HCRTR2: variants seen among roughly 807,000 people sequenced by gnomAD.
HCRTR2 encodes hypocretin receptor 2, also known as orexin receptor type 2.
Under a neutral mutation model 49.0 loss-of-function variants are expected in HCRTR2, and 22 were observed. The ratio of observed to expected loss-of-function variants is 0.45; its 90% CI spans 0.32 to 0.64. HCRTR2 has a LOEUF of 0.64. Ranked by LOEUF, HCRTR2 falls within the 30% of genes least tolerant of loss-of-function variation. The probability of loss-of-function intolerance (pLI) is 0.04; values close to 1 mark genes in which losing one functional copy is unlikely to be tolerated. For synonymous variants in HCRTR2, 236 were observed against 205.3 expected (o/e 1.15, Z -1.28); for missense variants, 491 against 559.4 (o/e 0.88, Z 1.23).
At chr6:55,249,304 A>G (rs1766505201) in intron 2 of HCRTR2, among the ~76,000 whole-genome samples, 1 of 152,074 alleles carries the variant, frequency 6.6e-6, no homozygotes. Flanking sequence ...AAGTGATTTT[A>G]TTTTATACTG....
chr6:55,195,484 C>T (rs561080771), intron 1 of HCRTR2, among the ~76,000 whole-genome samples: 47 of 152,250 alleles, frequency 3.1e-4, no homozygotes, highest in Non-Finnish European at 4.4e-4. Flanking sequence ...AACAATGTCT[C>T]AAATGTCAGG....
At chr6:55,202,619 G>A (rs1765530413) in intron 1 of HCRTR2, among the ~76,000 whole-genome samples, 1 of 152,148 alleles carries the variant, frequency 6.6e-6, no homozygotes, top group South Asian at 2.1e-4. Flanking sequence ...GTCCTCACAT[G>A]ATAGAAGGGG....
intron 1 of HCRTR2, among the ~76,000 whole-genome samples, chr6:55,117,480 C>T (rs568792168): frequency 5.1e-4 from 78 of 151,694 alleles, no homozygotes; most frequent in African/African-American, 1.8e-3. Flanking sequence ...TGATATTTTG[C>T]ATTGTGCATA....
At chr6:55,185,312 CT>C (rs981099688) in intron 1 of HCRTR2, among the ~76,000 whole-genome samples, 1 of 152,126 alleles carries the variant, frequency 6.6e-6, no homozygotes, top group African/African-American at 2.4e-5. Flanking sequence ...AGATCTGGTT[CT>C]TTGAAATCAT....
chr6:55,110,858 T>C (rs1764039402), intron 1 of HCRTR2, among the ~76,000 whole-genome samples: 1 of 138,238 alleles, frequency 7.2e-6, no homozygotes, highest in South Asian at 2.4e-4. Context: ...ACTTAAAGTA[T>C]ACCCTAGACA....
intron 1 of HCRTR2, among the ~76,000 whole-genome samples, chr6:55,131,917 C>T (rs1391376100): frequency 1.3e-5 from 2 of 151,792 alleles, no homozygotes; most frequent in South Asian, 2.1e-4. Flanking sequence ...AACTATGAAA[C>T]CATGTGGCAA....
rs1764307930 is a variant in HCRTR2, at chr6:55,128,212, G to T, written c.-378+21667G>T. On this transcript the variant is annotated intron_variant, in intron 1 of 7. Coordinates refer to the HCRTR2 transcript ENST00000615358. ...CCCATTGCTTGCTTTTGTCCGGTTTGTCAAAGATCAGTTAGTTGTAGGTGT... is the reference window on the plus strand; with the variant it reads ...CCCATTGCTTGCTTTTGTCCGGTTTTTCAAAGATCAGTTAGTTGTAGGTGT... Among the ~76,000 whole-genome samples, 4 of 152,110 alleles carry T rather than the reference G, an allele frequency of 2.6e-5. No homozygotes were observed. In the South Asian group the frequency reaches 8.3e-4, roughly 32 times the overall value.
chr6:55,255,217 T>C lies in HCRTR2; in HGVS notation c.484T>C (p.Phe162Leu), dbSNP rs1766628388. The change falls in exon 3 of 7, where the codon TTT (phenylalanine) becomes CTT (leucine). Residue 162 changes from phenylalanine (F) to leucine (L), a missense_variant. Coordinates refer to ENST00000370862, the MANE Select transcript of HCRTR2 (RefSeq NM_001384272.1). The stretch of plus-strand genomic sequence containing the variant: ...GTATGCAATCTGTCACCCTTTGATG[T>C]TTAAGAGCACAGCAAAGCGGGCCCG... Reference protein sequence around the residue: ...RWYAICHPLMFKSTAKRARNS... With the variant: ...RWYAICHPLMLKSTAKRARNS... 3 of 1,613,942 alleles carry C rather than the reference T, an allele frequency of 1.9e-6. No individual in the cohort carries two copies. The highest frequency in any genetic ancestry group is 1.3e-5 in the African/African-American group (1 of 74,900).
chr6:55,165,747 ATATATATATATATATATATAT>A (rs1764868102), intron 1 of HCRTR2, among the ~76,000 whole-genome samples: 1 of 7,304 alleles, frequency 1.4e-4, no homozygotes, highest in African/African-American at 4.5e-4. Flanking sequence ...TATACAGAAT[ATATATATATATATATATATAT>A]ATATATATAT....
chr6:55,230,448 A>G (rs1386402393), intron 1 of HCRTR2, among the ~76,000 whole-genome samples: 1 of 152,190 alleles, frequency 6.6e-6, no homozygotes, highest in East Asian at 1.9e-4. Context: ...TTTGCTTAAC[A>G]CTTTAAAATG....
chr6:55,196,269 G>A (rs1765407873), intron 1 of HCRTR2, among the ~76,000 whole-genome samples: 1 of 152,130 alleles, frequency 6.6e-6, no homozygotes, highest in African/African-American at 2.4e-5. Context: ...CCAGCAGATG[G>A]GACCAGAGGC....
At chr6:55,195,673 AT>A (rs1484879998) in intron 1 of HCRTR2, among the ~76,000 whole-genome samples, 3 of 152,092 alleles carry the variant, frequency 2.0e-5, no homozygotes, top group Non-Finnish European at 4.4e-5. Flanking sequence ...GTATGCTTAT[AT>A]AAAAACAGTA....
intron 1 of HCRTR2, among the ~76,000 whole-genome samples, chr6:55,163,060 C>A (rs912098852): frequency 1.9e-4 from 29 of 152,004 alleles, no homozygotes; most frequent in African/African-American, 7.0e-4. Flanking sequence ...CATGGTGAAA[C>A]CCCGTCTCTA....
chr6:55,264,152 C>T (rs553282558), intron 4 of HCRTR2, among the ~76,000 whole-genome samples: 8 of 151,932 alleles, frequency 5.3e-5, no homozygotes, highest in South Asian at 2.1e-4. Context: ...ACACTAATTT[C>T]GCTTTCTATG....
intron 1 of HCRTR2, among the ~76,000 whole-genome samples, chr6:55,138,847 C>T (rs940788367): frequency 6.6e-6 from 1 of 152,164 alleles, no homozygotes; most frequent in African/African-American, 2.4e-5. Flanking sequence ...ATTCATTTAA[C>T]ATATATTTAT....
intron 1 of HCRTR2, among the ~76,000 whole-genome samples, chr6:55,180,228 G>A (rs1279636481): frequency 3.3e-5 from 5 of 152,196 alleles, no homozygotes; most frequent in Non-Finnish European, 7.3e-5. Context: ...TTACTCAAAA[G>A]TTTAGTCAGG....
At chr6:55,131,350 A>T (rs1247289182) in intron 1 of HCRTR2, among the ~76,000 whole-genome samples, 4 of 151,806 alleles carry the variant, frequency 2.6e-5, no homozygotes, top group Non-Finnish European at 5.9e-5. Context: ...TTTAAAGAAA[A>T]CATTTATTTC....
At chr6:55,210,976 T>A (rs185563116) in intron 1 of HCRTR2, among the ~76,000 whole-genome samples, 1 of 152,260 alleles carries the variant, frequency 6.6e-6, no homozygotes, top group African/African-American at 2.4e-5. Context: ...TATAATACCA[T>A]GCTTTTCTGT....
intron 2 of HCRTR2, among the ~76,000 whole-genome samples, chr6:55,249,218 C>G (rs1472847200): frequency 1.3e-5 from 2 of 152,068 alleles, no homozygotes; most frequent in Non-Finnish European, 2.9e-5. Flanking sequence ...ATGATCTCCC[C>G]AAACCAATTA....
Sources: allele counts gnomAD v4.1 joint callset (sites outside exome capture counted in the v4.1 genomes callset), GRCh38; gene constraint gnomAD v4.1.1; transcripts MANE v1.5; gene names NCBI Gene and HGNC (gene_info 2026-07-23, HGNC 2026-07-21).